SEC24B: variants seen among roughly 807,000 people sequenced by gnomAD.
The protein encoded by SEC24B is SEC24 homolog B, COPII component.
In SEC24B, 45 loss-of-function variants were observed where a neutral mutation model predicts 142.8. The observed-to-expected ratio is 0.32, with a 90% CI of 0.25 to 0.40. SEC24B has a LOEUF of 0.40. Among genes scored for constraint, SEC24B ranks in the 10% least tolerant of loss-of-function variants. The pLI is 1.00. For missense variants in SEC24B, 1,409 were observed against 1,526.8 expected (o/e 0.92, Z 1.29); for synonymous variants, 574 against 568.2 (o/e 1.01, Z -0.15).
In SEC24B at chr4:109,526,947, G is replaced by A. The variant is rs570248117; in HGVS notation, c.2966-375G>A. ...AATTCGACTTGTGGCTGGATGTGGCGGTGGCTCACGCCTGTAATCCCAGCA... is the reference window on the plus strand; with the variant it reads ...AATTCGACTTGTGGCTGGATGTGGCAGTGGCTCACGCCTGTAATCCCAGCA... On this transcript the variant is annotated intron_variant, in intron 17 of 23. Coordinates refer to ENST00000265175, the MANE Select transcript of SEC24B (RefSeq NM_006323.5). Among the ~76,000 whole-genome samples, 12 of 152,230 alleles carry A rather than the reference G, an allele frequency of 7.9e-5. No homozygotes were observed. The South Asian group carries it at 1.7e-3, about 21-fold the overall frequency.
rs143113524 is a variant in SEC24B, at chr4:109,442,847, T to C, written c.133+8845T>C. Among the ~76,000 whole-genome samples, 299 of 152,286 alleles carry C rather than the reference T, an allele frequency of 2.0e-3. 3 individuals are homozygous for C. The highest frequency in any genetic ancestry group is 6.6e-3 in the African/African-American group (276 of 41,548). ...CAGGTAACTTGCTTTATTTTTGTGT[T>C]TTCCTGTATGTTTATATTACTCATT... On this transcript the variant is annotated intron_variant, in intron 1 of 23. Transcript: ENST00000265175.
chr4:109,528,246 C>G (rs570165918), intron 18 of SEC24B, among the ~76,000 whole-genome samples: 19 of 152,052 alleles, frequency 1.2e-4, no homozygotes, highest in African/African-American at 4.3e-4. Context: ...CATGGTGAAA[C>G]CCTGTCTCTA....
chr4:109,460,373 A>G (rs944794003), intron 1 of SEC24B, among the ~76,000 whole-genome samples: 2 of 152,082 alleles, frequency 1.3e-5, no homozygotes, highest in Non-Finnish European at 2.9e-5. Flanking sequence ...CATCTTGTCA[A>G]TTTTCTATTA....
intron 1 of SEC24B, among the ~76,000 whole-genome samples, chr4:109,456,341 T>G (rs533550148): frequency 1.8e-4 from 27 of 149,866 alleles, no homozygotes; most frequent in Middle Eastern, 3.5e-3. Context: ...TTTGTTTTTT[T>G]TTTTTTTTTT....
At chr4:109,530,139 A>G in intron 18 of SEC24B, 150 bp from the exon 19 acceptor site, 1 of 571,424 alleles carries the variant, frequency 1.8e-6, no homozygotes, top group Non-Finnish European at 3.0e-6. Flanking sequence ...ATAAGAAGAC[A>G]TTTGAAATGA....
intron 1 of SEC24B, among the ~76,000 whole-genome samples, chr4:109,455,582 A>G (rs1469754114): frequency 6.6e-6 from 1 of 152,218 alleles, no homozygotes; most frequent in African/African-American, 2.4e-5. Flanking sequence ...GACCAGAGGT[A>G]TATGTTGAGG....
Position 109,491,408 on chromosome 4 carries a change from G to C in SEC24B, c.1246+1G>C. Reference sequence around the variant, plus strand: ...GCCCTGGAAGGAGGCAGTTACCCAGGTAATTTGTTTTGTGCTTGCTTGATC... The same window carrying C: ...GCCCTGGAAGGAGGCAGTTACCCAGCTAATTTGTTTTGTGCTTGCTTGATC... On this transcript the variant is annotated splice_donor_variant, in intron 5 of 23. Coordinates refer to ENST00000265175, the MANE Select transcript of SEC24B (RefSeq NM_006323.5). LOFTEE classifies it high-confidence loss of function. The C allele has an allele frequency of 9.3e-6, 15 of 1,610,830 alleles. No individual in the cohort carries two copies. Among genetic ancestry groups the C allele is most frequent in the Non-Finnish European group, 1.3e-5 (15 of 1,177,264 alleles).
In SEC24B at chr4:109,433,833, T is replaced by A. The variant is rs1275545705; in HGVS notation, c.-37T>A. ...CCGCCTTCCCTTCCCTCCGCCCACC[T>A]CCCTGAAGCGGAGCCGCCGTCGCCA... On this transcript the variant is annotated 5_prime_UTR_variant, in exon 1 of 24. Coordinates refer to ENST00000265175, the MANE Select transcript of SEC24B (RefSeq NM_006323.5). The A allele has an allele frequency of 5.6e-6, 7 of 1,257,614 alleles. No homozygotes were observed. In the African/African-American group the frequency reaches 9.5e-5, roughly 17 times the overall value. The allele number at this position is 1,257,614 out of a possible 1,614,324, so 77.9% of individuals were successfully genotyped here. A position where few individuals can be genotyped will look rare whatever the true frequency, so the allele number is the denominator to read the frequency against.
chr4:109,500,129 A>G (rs1359910861), intron 6 of SEC24B, among the ~76,000 whole-genome samples: 1 of 152,256 alleles, frequency 6.6e-6, no homozygotes, highest in Non-Finnish European at 1.5e-5. Context: ...AAGTTACGGA[A>G]TAAGGCTGTA....
chr4:109,513,533 C>T (rs942004237), intron 9 of SEC24B, among the ~76,000 whole-genome samples: 1 of 152,190 alleles, frequency 6.6e-6, no homozygotes, highest in Admixed American at 6.5e-5. Context: ...CCGCCCGCCG[C>T]GGCCGCCCAA....
At chr4:109,463,764 A>G (rs1578808594) in intron 2 of SEC24B, 120 bp downstream of exon 2, 1 of 1,444,778 alleles carries the variant, frequency 6.9e-7, no homozygotes, top group Non-Finnish European at 9.1e-7. Context: ...AAGTTTGCTA[A>G]TTTATTGTGG....
intron 1 of SEC24B, among the ~76,000 whole-genome samples, chr4:109,446,351 A>G (rs1295185645): frequency 6.6e-6 from 1 of 152,224 alleles, no homozygotes; most frequent in Non-Finnish European, 1.5e-5. Context: ...AAGGAATACC[A>G]GTGGCCACTA....
intron 10 of SEC24B, among the ~76,000 whole-genome samples, chr4:109,514,412 G>A (rs1174380242): frequency 6.6e-6 from 1 of 152,086 alleles, no homozygotes; most frequent in African/African-American, 2.4e-5. Flanking sequence ...TATAAAAACT[G>A]TATTGGCTGG....
chr4:109,433,926 G>C lies in SEC24B; in HGVS notation c.57G>C (p.Lys19Asn), dbSNP rs1728107985. 2 of 1,303,698 alleles carry C rather than the reference G, an allele frequency of 1.5e-6. No individual in the cohort carries two copies. The highest frequency in any genetic ancestry group is 1.9e-6 in the Non-Finnish European group (2 of 1,025,796). 80.8% of individuals were successfully genotyped at this position (1,303,698 alleles called of 1,614,324 possible). ...CCGCCAGCGCCCGGATCCCGCCCAA[G>C]TTCGGCGGAGCGGCCGTCTCAGGAG... is the stretch of plus-strand genomic sequence containing the variant. ...HPAASARIPP[K>N]FGGAAVSGAA... is the part of the protein sequence containing the mutation. The change falls in exon 1 of 24, where the codon AAG (lysine) becomes AAC (asparagine). Residue 19 changes from lysine to asparagine, a missense_variant. Transcript: ENST00000265175.
At chr4:109,441,391 G>A (rs758082275) in intron 1 of SEC24B, among the ~76,000 whole-genome samples, 1 of 152,138 alleles carries the variant, frequency 6.6e-6, no homozygotes, top group Non-Finnish European at 1.5e-5. Context: ...GAAAAGCAAG[G>A]TATCTGGCAT....
intron 1 of SEC24B, among the ~76,000 whole-genome samples, chr4:109,457,592 C>T (rs1045343468): frequency 2.6e-5 from 4 of 152,046 alleles, no homozygotes; most frequent in Non-Finnish European, 5.9e-5. Flanking sequence ...CCTCTTAATA[C>T]CGTTACAATG....
intron 1 of SEC24B, among the ~76,000 whole-genome samples, chr4:109,452,335 CTTGG>C (rs1484953776): frequency 2.6e-5 from 4 of 152,184 alleles, no homozygotes; most frequent in Admixed American, 6.5e-5. Flanking sequence ...TATCAGACAT[CTTGG>C]TTGTTTCCAG....
At chr4:109,447,372 C>G (rs1729579172) in intron 1 of SEC24B, among the ~76,000 whole-genome samples, 1 of 152,158 alleles carries the variant, frequency 6.6e-6, no homozygotes, top group South Asian at 2.1e-4. Flanking sequence ...CACATACTCA[C>G]TTGATCCCCT....
At position 109,513,738 on chromosome 4, in the gene SEC24B, C is replaced by CT. The variant is rs1367681507; in HGVS notation, c.1904-7dup. On this transcript the variant is annotated splice_polypyrimidine_tract_variant and intron_variant, in intron 9 of 23. Transcript: ENST00000265175. The stretch of plus-strand genomic sequence containing the variant: ...TGTCTCTAAATTTGTACTGGGACCT[C>CT]TTATCTAGTTCCTGAAGAATTTATG... 6.5e-7 allele frequency: 1 copy of CT among 1,537,466 alleles called. No homozygotes were observed. The highest frequency in any genetic ancestry group is 9.0e-7 in the Non-Finnish European group (1 of 1,110,826).
Sources: gnomAD v4.1 joint callset for allele counts (sites outside exome capture counted in the v4.1 genomes callset) on GRCh38, gnomAD v4.1.1 for gene constraint, MANE v1.5 for transcripts, NCBI Gene and HGNC (gene_info 2026-07-23, HGNC 2026-07-21) for gene names.